DACH2: variants seen among roughly 807,000 people sequenced by gnomAD.
DACH2 encodes dachshund family transcription factor 2.
In DACH2, 17 loss-of-function variants were observed where a neutral mutation model predicts 35.8. The observed-to-expected ratio is 0.48, with a 90% confidence interval of 0.33 to 0.71. DACH2 has a LOEUF of 0.71. Ranked by LOEUF, DACH2 falls within the 30% of genes least tolerant of loss-of-function variation. The pLI, the probability that DACH2 is intolerant of heterozygous loss-of-function variation, is 0.02. For missense variants in DACH2, 469 were observed against 472.7 expected, an observed-to-expected ratio of 0.99 and a Z score of 0.07; for synonymous variants, 195 against 177.3, an observed-to-expected ratio of 1.10 and a Z score of -0.79.
intron 1 of DACH2, among the ~76,000 whole-genome samples, chrX:86,291,668 A>G (rs2034298808): frequency 9.4e-6 from 1 of 105,824 alleles, no homozygotes; most frequent in Admixed American, 1.0e-4. Context: ...CCTTTTCTGC[A>G]TCTATTGAGA....
chrX:86,172,393 A>G (rs1275569929), intron 1 of DACH2, among the ~76,000 whole-genome samples: 2 of 112,138 alleles, frequency 1.8e-5, no homozygotes, highest in African/African-American at 3.2e-5. Flanking sequence ...TAATGCTTCT[A>G]GGAAGTAATA....
At chrX:86,499,961 A>C (rs1261068364) in intron 2 of DACH2, among the ~76,000 whole-genome samples, 2 of 111,272 alleles carry the variant, frequency 1.8e-5, no homozygotes, top group Non-Finnish European at 3.8e-5. Context: ...TCAAGCTACC[A>C]ACATGAGGTC....
intron 1 of DACH2, among the ~76,000 whole-genome samples, chrX:86,150,949 T>G (rs2030342842): frequency 9.0e-6 from 1 of 111,594 alleles, no homozygotes; most frequent in African/African-American, 3.3e-5. Flanking sequence ...CTCCCATCTC[T>G]AAAAATGCCC....
intron 3 of DACH2, among the ~76,000 whole-genome samples, chrX:86,545,400 T>G (rs1247166118): frequency 9.0e-6 from 1 of 110,746 alleles, no homozygotes; most frequent in African/African-American, 3.3e-5. Context: ...AGGGCCTACT[T>G]GAGGGTGGAG....
chrX:86,530,424 C>T (rs955709758), intron 3 of DACH2, among the ~76,000 whole-genome samples: 22 of 111,320 alleles, frequency 2.0e-4, no homozygotes, highest in East Asian at 2.9e-4. Flanking sequence ...ATTTCTCCTT[C>T]GATGTTCTCA....
chrX:86,610,371 T>C (rs867351125), intron 3 of DACH2, among the ~76,000 whole-genome samples: 1 of 54,176 alleles, frequency 1.8e-5, no homozygotes, highest in African/African-American at 8.7e-5. Flanking sequence ...TCCTCTTTCT[T>C]TCTTTCTTTC....
At chrX:86,192,240 G>T (rs1232122041) in intron 1 of DACH2, among the ~76,000 whole-genome samples, 1 of 111,881 alleles carries the variant, frequency 8.9e-6, no homozygotes, top group Non-Finnish European at 1.9e-5. Flanking sequence ...ATGGCATTTT[G>T]TGCTTGTGAC....
intron 1 of DACH2, among the ~76,000 whole-genome samples, chrX:86,209,006 G>A (rs2032382683): frequency 9.0e-6 from 1 of 111,360 alleles, no homozygotes; most frequent in African/African-American, 3.3e-5. Flanking sequence ...TATTTCATAG[G>A]CATGAAGCTT....
chrX:86,213,521 G>A (rs188088788), intron 1 of DACH2, among the ~76,000 whole-genome samples: 40 of 110,945 alleles, frequency 3.6e-4, no homozygotes, highest in African/African-American at 1.1e-3. Flanking sequence ...TTTAAGTCTC[G>A]TTTTCCTTGA....
chrX:86,687,914 G>A (rs1414728714), intron 4 of DACH2, among the ~76,000 whole-genome samples: 9 of 110,273 alleles, frequency 8.2e-5, no homozygotes, highest in Non-Finnish European at 1.5e-4. Context: ...CTAGGGGAGG[G>A]ATAACATTAG....
chrX:86,595,457 A>C (rs2039699658), intron 3 of DACH2, among the ~76,000 whole-genome samples: 2 of 111,078 alleles, frequency 1.8e-5, no homozygotes, highest in African/African-American at 3.3e-5. Context: ...ATGATATATA[A>C]TTCTCTACCT....
At chrX:86,814,068 G>A (rs748939105) in intron 9 of DACH2, among the ~76,000 whole-genome samples, 1 of 110,578 alleles carries the variant, frequency 9.0e-6, no homozygotes, top group Non-Finnish European at 1.9e-5. Context: ...CATCATTGAC[G>A]GAAATCTCAT....
At chrX:86,412,922 C>A (rs924773344) in intron 2 of DACH2, among the ~76,000 whole-genome samples, 1 of 111,201 alleles carries the variant, frequency 9.0e-6, no homozygotes, top group African/African-American at 3.3e-5. Flanking sequence ...TAAGTGGGCT[C>A]GAGTAATATA....
At chrX:86,519,346 C>A (rs932182954) in intron 3 of DACH2, among the ~76,000 whole-genome samples, 5 of 111,698 alleles carry the variant, frequency 4.5e-5, no homozygotes, top group African/African-American at 1.6e-4. Context: ...AGGGCATTGG[C>A]CTGAAGTTTT....
intron 3 of DACH2, among the ~76,000 whole-genome samples, chrX:86,607,550 G>T (rs1052386770): frequency 4.5e-5 from 5 of 110,624 alleles, no homozygotes; most frequent in African/African-American, 1.6e-4. Context: ...ATATCTTATT[G>T]TACTGTCTGA....
At chrX:86,161,025 G>A (rs2030735602) in intron 1 of DACH2, 13 of 978,315 alleles carry the variant, frequency 1.3e-5, no homozygotes, top group Admixed American at 2.2e-5. Flanking sequence ...TCCCTTGAAC[G>A]AAGGCACGTT....
intron 4 of DACH2, among the ~76,000 whole-genome samples, chrX:86,675,382 C>A (rs1602773045): frequency 9.0e-6 from 1 of 111,506 alleles, no homozygotes; most frequent in Non-Finnish European, 1.9e-5. Context: ...TTTATAATTG[C>A]AACATAAAAT....
chrX:86,670,050 G>A (rs1479903963), intron 4 of DACH2, among the ~76,000 whole-genome samples: 1 of 111,161 alleles, frequency 9.0e-6, no homozygotes, highest in Admixed American at 9.6e-5. Context: ...TAACCTGTTT[G>A]AGCTCAAATG....
chrX:86,623,254 A>G (rs1478678801), intron 3 of DACH2, among the ~76,000 whole-genome samples: 1 of 112,511 alleles, frequency 8.9e-6, no homozygotes, highest in South Asian at 3.6e-4. Context: ...TGTCTATGTG[A>G]TATAGGGACA....
Sources: gnomAD v4.1 joint callset for allele counts (sites outside exome capture counted in the v4.1 genomes callset) on GRCh38, gnomAD v4.1.1 for gene constraint, MANE v1.5 for transcripts, NCBI Gene and HGNC (gene_info 2026-07-23, HGNC 2026-07-21) for gene names.